SUSD5: variants seen among roughly 807,000 people sequenced by gnomAD.
SUSD5 encodes the protein sushi domain-containing protein 5.
A neutral mutation model predicts 29.5 loss-of-function variants in SUSD5; 33 were observed. The ratio of observed to expected loss-of-function variants is 1.12; its 90% CI spans 0.85 to 1.49. The LOEUF is 1.49. Among genes scored for constraint, SUSD5 ranks in the 40% most tolerant of loss-of-function variants. The pLI is 0.00. For missense variants in SUSD5, 776 were observed against 800.6 expected (o/e 0.97, Z 0.37); for synonymous variants, 308 against 325.3 (o/e 0.95, Z 0.57).
chr3:33,187,291 T>G (rs1047864487), intron 3 of SUSD5, among the ~76,000 whole-genome samples: 1 of 152,226 alleles, frequency 6.6e-6, no homozygotes, highest in African/African-American at 2.4e-5. Context: ...TCATAAGATC[T>G]TCTTCAGAAT....
intron 4 of SUSD5, among the ~76,000 whole-genome samples, chr3:33,171,451 CTTG>C (rs1004816824): frequency 4.0e-5 from 6 of 150,530 alleles, no homozygotes; most frequent in Non-Finnish European, 5.9e-5. Context: ...GCTGAAATCT[CTTG>C]TTGTAGGAAA....
intron 3 of SUSD5, among the ~76,000 whole-genome samples, chr3:33,179,119 T>C (rs1382121396): frequency 6.6e-6 from 1 of 152,232 alleles, no homozygotes; most frequent in Non-Finnish European, 1.5e-5. Flanking sequence ...ATTTATTTAA[T>C]AGCTATAGGC....
chr3:33,160,032 C>G (rs947325497), intron 4 of SUSD5, among the ~76,000 whole-genome samples: 1 of 152,134 alleles, frequency 6.6e-6, no homozygotes, highest in Non-Finnish European at 1.5e-5. Context: ...GCTGCTTCTT[C>G]CTGACAGAAT....
At position 33,206,703 on chromosome 3, in the gene SUSD5, C is replaced by A. The variant is rs147107257; in HGVS notation, c.409+1105G>T. Among the ~76,000 whole-genome samples, 903 of 152,232 alleles carry A rather than the reference C, an allele frequency of 5.9e-3. 8 individuals are homozygous for A. The highest frequency in any genetic ancestry group is 0.021 in the African/African-American group (861 of 41,534). On this transcript the variant is annotated intron_variant, in intron 3 of 4. Transcript: ENST00000309558. ...CTTTCCTGGAGATAAGGATTTGGTG[C>A]CTCTGGGATGCAGCCAGACGGTTTG...
chr3:33,198,609 C>A (rs533264374), intron 3 of SUSD5, among the ~76,000 whole-genome samples: 59 of 152,208 alleles, frequency 3.9e-4, no homozygotes, highest in Non-Finnish European at 5.0e-4. Context: ...AAAATTCAAT[C>A]CAATATTCTC....
At chr3:33,161,953 T>C (rs376076452) in intron 4 of SUSD5, among the ~76,000 whole-genome samples, 28 of 152,250 alleles carry the variant, frequency 1.8e-4, no homozygotes, top group African/African-American at 6.7e-4. Flanking sequence ...GAATATAGAT[T>C]TGAACAACAC....
intron 2 of SUSD5, among the ~76,000 whole-genome samples, chr3:33,209,004 G>A (rs955503953): frequency 1.3e-5 from 2 of 152,156 alleles, no homozygotes; most frequent in Admixed American, 6.5e-5. Context: ...CAGACTGGAT[G>A]TAATGAATTC....
At chr3:33,182,856 G>C (rs1324819148) in intron 3 of SUSD5, among the ~76,000 whole-genome samples, 1 of 151,488 alleles carries the variant, frequency 6.6e-6, no homozygotes, top group Non-Finnish European at 1.5e-5. Context: ...GTGTGATCTC[G>C]GCTCACTGCA....
rs541232047 is a variant in SUSD5, at chr3:33,218,133, A to G, written c.112+553T>C. Among the ~76,000 whole-genome samples the G allele has an allele frequency of 5.9e-5, 9 of 152,194 alleles. No homozygotes were observed. In the South Asian group the frequency reaches 1.5e-3, roughly 25 times the overall value. On this transcript the variant is annotated intron_variant, in intron 1 of 4. Transcript: ENST00000309558. ...CCCTCGCCTCCAGGTACTTTGCTTT[A>G]TCATTTGTCCCGTTTTTCCTGTCAC...
At chr3:33,178,457 GT>G (rs1274061219) in intron 3 of SUSD5, among the ~76,000 whole-genome samples, 3 of 109,040 alleles carry the variant, frequency 2.8e-5, no homozygotes, top group African/African-American at 5.9e-5. Context: ...TTGTTGTTTT[GT>G]TTTTTTTTGA....
At chr3:33,193,026 G>C (rs4501065) in intron 3 of SUSD5, among the ~76,000 whole-genome samples, 110,254 of 151,762 alleles carry the variant, frequency 0.73, 40,224 homozygotes, top group East Asian at 0.83. Context: ...GCCAAACAAC[G>C]GTTTTTTGCA....
In SUSD5 at chr3:33,167,290, G is replaced by C. The variant is rs149919512; in HGVS notation, c.598+7596C>G. Among the ~76,000 whole-genome samples the C allele has an allele frequency of 2.2e-3, 338 of 152,180 alleles. No homozygotes were observed. Among genetic ancestry groups the C allele is most frequent in the African/African-American group, 7.3e-3 (303 of 41,520 alleles). The stretch of plus-strand genomic sequence containing the variant: ...CCTCTCTCACTTTTTTGTGTGTGCA[G>C]GCAACACTGGCTTAGCATTTAATAT... On this transcript the variant is annotated intron_variant, in intron 4 of 4. Transcript: ENST00000309558. This position sits in a 1 kb window ranked among gnomAD's most constrained non-coding sequence, Gnocchi z 4.1.
Position 33,152,624 on chromosome 3 carries a change from G to A in SUSD5, c.*118C>T. 8.6e-7 allele frequency: 1 copy of A among 1,169,426 alleles called. No individual in the cohort carries two copies. The highest frequency in any genetic ancestry group is 1.6e-5 in the African/African-American group (1 of 64,400). The allele number at this position is 1,169,426 out of a possible 1,614,324, so 72.4% of individuals were successfully genotyped here. A position where few individuals can be genotyped will look rare whatever the true frequency, so the allele number is the denominator to read the frequency against. ...CACTTCTCAGCCTATAAAACAAAGG[G>A]CTGAGGAAAAAATGATGAGCCTCAG... On this transcript the variant is annotated 3_prime_UTR_variant, in exon 5 of 5. Coordinates refer to ENST00000309558, the MANE Select transcript of SUSD5 (RefSeq NM_015551.2).
intron 3 of SUSD5, among the ~76,000 whole-genome samples, chr3:33,189,262 G>A (rs543807203): frequency 8.5e-5 from 13 of 152,102 alleles, no homozygotes; most frequent in South Asian, 2.1e-4. Context: ...GGTGGATCAC[G>A]AGGTCAACAG....
intron 4 of SUSD5, among the ~76,000 whole-genome samples, chr3:33,163,105 C>G (rs1311109543): frequency 4.6e-5 from 7 of 152,176 alleles, no homozygotes; most frequent in African/African-American, 1.7e-4. Flanking sequence ...TGAATTCCAT[C>G]AAATGTTTAA....
chr3:33,215,942 A>G (rs4678778), intron 1 of SUSD5, among the ~76,000 whole-genome samples: 20,893 of 152,168 alleles, frequency 0.14, 2,150 homozygotes, highest in East Asian at 0.34. Context: ...AACAAACACA[A>G]AAGTCCCACA....
At position 33,154,002 on chromosome 3, in the gene SUSD5, A is replaced by C. The variant is rs765035984; in HGVS notation, c.630T>G (p.Asp210Glu). ...DEAEAHIDYE[D>E]NFPDDRSVSF... is the part of the protein sequence containing the mutation. ...ACACAGATCTGTCATCAGGGAAGTT[A>C]TCTTCATAGTCAATGTGTGCCTCAG... The change falls in exon 5 of 5, where the codon GAT (aspartate) becomes GAG (glutamate). Residue 210 changes from aspartate (D) to glutamate (E), a missense_variant. Physicochemically the swap from Asp to Glu is conservative, Grantham distance 45. Coordinates refer to ENST00000309558, the MANE Select transcript of SUSD5 (RefSeq NM_015551.2). The C allele has an allele frequency of 1.4e-5, 22 of 1,602,552 alleles. No individual in the cohort carries two copies. Among genetic ancestry groups the C allele is most frequent in the Non-Finnish European group, 1.9e-5 (22 of 1,176,646 alleles).
chr3:33,152,746 A>G lies in SUSD5; in HGVS notation c.1886T>C (p.Val629Ala). 6.2e-7 allele frequency: 1 copy of G among 1,606,606 alleles called. No homozygotes were observed. Among genetic ancestry groups the G allele is most frequent in the Non-Finnish European group, 8.5e-7 (1 of 1,175,998 alleles). ...GAGAACCCACTCCAAAGGTGCCTAGACCTTCTCCATCTCGATCTGCTGGTG... is the reference window on the plus strand; with the variant it reads ...GAGAACCCACTCCAAAGGTGCCTAGGCCTTCTCCATCTCGATCTGCTGGTG... Reference protein sequence around the residue: ...HYHQQIEMEKV With the variant: ...HYHQQIEMEKA Residue 629 changes from valine (V) to alanine (A), a missense_variant, in exon 5 of 5, where the codon GTC (valine) becomes GCC (alanine). Val to Ala is a moderately conservative substitution (Grantham distance 64, BLOSUM62 0). Transcript: ENST00000309558.
chr3:33,180,708 T>C (rs988918905), intron 3 of SUSD5, among the ~76,000 whole-genome samples: 6 of 151,888 alleles, frequency 4.0e-5, no homozygotes, highest in Non-Finnish European at 7.4e-5. Flanking sequence ...GGCGTGGTGG[T>C]GCATGCCTGT....
Sources: gnomAD v4.1 joint callset for allele counts (sites outside exome capture counted in the v4.1 genomes callset) on GRCh38, gnomAD v4.1.1 for gene constraint, Gnocchi (gnomAD v3.1) non-coding constraint, MANE v1.5 for transcripts, NCBI Gene and HGNC (gene_info 2026-07-23, HGNC 2026-07-21) for gene names.